Variants in NUMA1 observed in about 807,000 individuals in gnomAD.
The protein encoded by NUMA1 is SP-H antigen.
NUMA1 carries 62 observed loss-of-function variants against 237.1 expected under a neutral mutation model. That is an observed-to-expected ratio of 0.26 (90% CI 0.21 to 0.32). The LOEUF (loss-of-function observed/expected upper bound fraction) is 0.32, where lower values mean the gene tolerates loss of function less well. Ranked by LOEUF, NUMA1 falls within the 10% of genes least tolerant of loss-of-function variation. NUMA1 has a pLI of 1.00. For missense variants in NUMA1, 2,533 were observed against 2,666.5 expected (o/e 0.95, Z 1.10); for synonymous variants, 1,028 against 1,066.1 (o/e 0.96, Z 0.70).
intron 2 of NUMA1, among the ~76,000 whole-genome samples, chr11:72,042,913 A>C (rs1262708005): frequency 1.3e-5 from 2 of 152,022 alleles, no homozygotes; most frequent in Non-Finnish European, 2.9e-5. Context: ...CGAGAGTTGG[A>C]GACCAGCCGG....
chr11:72,010,971 C>G, intron 16 of NUMA1, 117 bp from the exon 17 acceptor site: 2 of 912,848 alleles, frequency 2.2e-6, no homozygotes, highest in East Asian at 4.9e-5. Flanking sequence ...CTAGAATAAA[C>G]TCAGGCCCTT....
In NUMA1 at chr11:72,015,275, G is replaced by T. The variant is rs1399142706; in HGVS notation, c.2228C>A (p.Thr743Asn). The change falls in exon 15 of 27, where the codon ACC becomes AAC. Residue 743 changes from threonine (T) to asparagine (N), a missense_variant. This residue lies in a region of NUMA1 where 1,414 missense variants were observed against 1,508.1 expected (regional missense o/e 0.94). Coordinates refer to ENST00000393695, the MANE Select transcript of NUMA1 (RefSeq NM_006185.4). The surrounding 1 kb of genome is among the most constrained non-coding windows in gnomAD (Gnocchi z 4.0). ...CTTATGCTGCTCCACCAGGCTTCGG[G>T]TCTCTGCCTTCAGCTCAGAGATACA... ...QRCISELKAE[T>N]RSLVEQHKRE... 20 of 1,613,604 alleles carry T rather than the reference G, an allele frequency of 1.2e-5. No individual in the cohort carries two copies. The highest frequency in any genetic ancestry group is 1.6e-5 in the Non-Finnish European group (19 of 1,180,020).
chr11:72,066,915 C>A (rs1322026971), intron 2 of NUMA1: 1 of 152,344 alleles, frequency 6.6e-6, no homozygotes, highest in East Asian at 1.9e-4. Flanking sequence ...TTCAGTGGTA[C>A]AGCCAGGGAT....
At chr11:72,061,858 A>C (rs1270227698) in intron 2 of NUMA1, among the ~76,000 whole-genome samples, 1 of 151,936 alleles carries the variant, frequency 6.6e-6, no homozygotes, top group Admixed American at 6.6e-5. Context: ...CCCACACACC[A>C]CAATAATACA....
intron 2 of NUMA1, among the ~76,000 whole-genome samples, chr11:72,050,486 G>A (rs548151486): frequency 3.0e-4 from 45 of 152,290 alleles, no homozygotes; most frequent in African/African-American, 1.1e-3. Flanking sequence ...TCTAACATGG[G>A]CATGATAAAA....
At chr11:72,028,811 TC>T (rs1197515076) in intron 4 of NUMA1, among the ~76,000 whole-genome samples, 1 of 152,194 alleles carries the variant, frequency 6.6e-6, no homozygotes, top group East Asian at 1.9e-4. Context: ...TCCCCTTTCT[TC>T]CCTCAGAAGG....
At chr11:72,019,464 C>G in intron 9 of NUMA1, 30 bp downstream of exon 9, 1 of 1,608,112 alleles carries the variant, frequency 6.2e-7, no homozygotes, top group Non-Finnish European at 8.5e-7. Context: ...TGCTGAGGCC[C>G]TATCCCAGGA....
chr11:72,003,578 G>A (rs754001908), intron 26 of NUMA1, 40 bp from the exon 27 acceptor site: 27 of 1,613,452 alleles, frequency 1.7e-5, no homozygotes, highest in Middle Eastern at 1.6e-4. Flanking sequence ...GAGAACTTGC[G>A]ATACTAGCCT....
intron 1 of NUMA1, among the ~76,000 whole-genome samples, chr11:72,078,460 GC>G (rs1943819478): frequency 6.6e-6 from 1 of 152,236 alleles, no homozygotes; most frequent in African/African-American, 2.4e-5. Flanking sequence ...TGTCCAAACA[GC>G]CCCTGATCAG....
intron 20 of NUMA1, chr11:72,007,662 C>A: frequency 1.7e-6 from 1 of 586,600 alleles, no homozygotes; most frequent in Non-Finnish European, 3.0e-6. Flanking sequence ...ATGCCCAGAC[C>A]CAGATGTCCC....
intron 14 of NUMA1, 59 bp from the exon 15 acceptor site, chr11:72,016,319 C>T: frequency 6.3e-7 from 1 of 1,585,500 alleles, no homozygotes; most frequent in Non-Finnish European, 8.6e-7. Context: ...CAAGACTCCT[C>T]TGGAAATGGA....
Position 72,003,244 on chromosome 11 carries a change from A to T in NUMA1, c.*283T>A. 2.0e-6 allele frequency: 1 copy of T among 491,176 alleles called. No individual in the cohort carries two copies. The highest frequency in any genetic ancestry group is 2.7e-5 in the South Asian group (1 of 36,856). The allele number at this position is 491,176 out of a possible 1,614,324, so 30.4% of individuals were successfully genotyped here. A position where few individuals can be genotyped will look rare whatever the true frequency, so the allele number is the denominator to read the frequency against. On this transcript the variant is annotated 3_prime_UTR_variant, in exon 27 of 27. Transcript: ENST00000393695. ...GACCCAGCCATCAAAACCAGCCTCA[A>T]ATCTGGTTGTGATGGAGAAGTGACT...
chr11:72,044,667 C>CTT (rs1196162358), intron 2 of NUMA1, among the ~76,000 whole-genome samples: 48 of 125,542 alleles, frequency 3.8e-4, no homozygotes, highest in South Asian at 5.1e-4. Context: ...TGTATGTTTG[C>CTT]TTTTTTTTTT....
chr11:72,005,347 G>A lies in NUMA1; in HGVS notation c.5715C>T (p.Gly1905=). ...GCTGCTCAGGCTCATCCTGGCAAGT[G>A]CCCATGTAGAAGCTGTTCCTTCCTG... The part of the protein sequence containing the change: ...APPGRNSFYM[G]TCQDEPEQLD... The change falls in exon 23 of 27, where the codon GGC becomes GGT. Residue 1905 remains glycine (G), a synonymous_variant. Coordinates refer to ENST00000393695, the MANE Select transcript of NUMA1 (RefSeq NM_006185.4). 1.2e-6 allele frequency: 2 copies of A among 1,608,018 alleles called. No individual in the cohort carries two copies. Among genetic ancestry groups the A allele is most frequent in the Non-Finnish European group, 1.7e-6 (2 of 1,177,478 alleles).
rs771053859 is a variant in NUMA1, at chr11:72,014,166, C to T, written c.3337G>A (p.Gly1113Ser). 1 of 1,613,734 alleles carries T rather than the reference C, an allele frequency of 6.2e-7. No individual in the cohort carries two copies. The highest frequency in any genetic ancestry group is 8.5e-7 in the Non-Finnish European group (1 of 1,180,048). ...SGSGAQSEAA[G>S]RTEPTGPKLE... ...TTGGGGCCTGTTGGCTCTGTCCTGC[C>T]AGCAGCCTCAGATTGGGCTCCTGAG... The change falls in exon 15 of 27, where the codon GGC becomes AGC. Residue 1113 changes from glycine to serine, a missense_variant. Gly to Ser is a moderately conservative substitution (Grantham distance 56). Transcript: ENST00000393695. The surrounding 1 kb of genome is among the most constrained non-coding windows in gnomAD (Gnocchi z 4.6).
intron 4 of NUMA1, among the ~76,000 whole-genome samples, chr11:72,028,564 G>A (rs117723212): frequency 0.015 from 2,319 of 150,468 alleles, 35 homozygotes; most frequent in Non-Finnish European, 0.02. Context: ...TAACTGTGAC[G>A]TTCAAAGGAA....
chr11:72,022,021 C>A (rs1232866887), intron 7 of NUMA1, among the ~76,000 whole-genome samples: 1 of 152,076 alleles, frequency 6.6e-6, no homozygotes, highest in African/African-American at 2.4e-5. Flanking sequence ...AACACACACA[C>A]ACAGAAACAC....
chr11:72,060,655 C>T (rs985297636), intron 2 of NUMA1, among the ~76,000 whole-genome samples: 15 of 151,924 alleles, frequency 9.9e-5, no homozygotes, highest in Non-Finnish European at 1.6e-4. Flanking sequence ...AAAAACAAAA[C>T]GCACACACAC....
chr11:72,004,539 G>A, intron 24 of NUMA1, 101 bp downstream of exon 24: 2 of 1,302,012 alleles, frequency 1.5e-6, no homozygotes, highest in Non-Finnish European at 2.1e-6. Flanking sequence ...AAAGAGAGGG[G>A]GAAGTGAGGG....
Sources: allele counts gnomAD v4.1 joint callset (sites outside exome capture counted in the v4.1 genomes callset), GRCh38; gene constraint gnomAD v4.1.1; regional missense constraint gnomAD v4.1.1; non-coding constraint Gnocchi (gnomAD v3.1); transcripts MANE v1.5; gene names NCBI Gene and HGNC (gene_info 2026-07-23, HGNC 2026-07-21).